The following RBMS3 variants were observed in gnomAD, a reference collection of about 807,000 sequenced individuals.
The protein encoded by RBMS3 is RNA-binding motif, single-stranded-interacting protein 3.
A neutral mutation model predicts 66.8 loss-of-function variants in RBMS3; 27 were observed. That is an observed-to-expected ratio of 0.40 (90% CI 0.30 to 0.56). The LOEUF is 0.56. Among genes scored for constraint, RBMS3 ranks in the 20% least tolerant of loss-of-function variants. The pLI is 0.40. For synonymous variants in RBMS3, 188 were observed against 183.0 expected (o/e 1.03, Z -0.22); for missense variants, 513 against 549.5 (o/e 0.93, Z 0.66).
chr3:29,459,646 A>G (rs9853435), intron 2 of RBMS3, among the ~76,000 whole-genome samples: 17,870 of 152,234 alleles, frequency 0.12, 1,094 homozygotes, highest in Non-Finnish European at 0.12. Flanking sequence ...TGATTAGAGT[A>G]AAGGCCCAGC....
intron 4 of RBMS3, among the ~76,000 whole-genome samples, chr3:29,657,398 A>G (rs907217179): frequency 1.3e-5 from 2 of 152,102 alleles, no homozygotes; most frequent in African/African-American, 4.8e-5. Context: ...TTCTCCATAT[A>G]CTAACTGCAT....
chr3:29,465,166 T>C (rs553405203), intron 2 of RBMS3, among the ~76,000 whole-genome samples: 2 of 152,338 alleles, frequency 1.3e-5, no homozygotes, highest in South Asian at 4.1e-4. Context: ...CCTTTGAAGA[T>C]AGAAAGTGGA....
intron 1 of RBMS3, among the ~76,000 whole-genome samples, chr3:29,290,160 A>G (rs1183827529): frequency 4.0e-5 from 6 of 151,872 alleles, no homozygotes; most frequent in African/African-American, 1.2e-4. Flanking sequence ...TGCTTCTTTT[A>G]ACACTTGTCA....
intron 3 of RBMS3, among the ~76,000 whole-genome samples, chr3:29,578,926 C>T (rs894004274): frequency 1.2e-4 from 18 of 145,046 alleles, no homozygotes; most frequent in African/African-American, 4.7e-4. Context: ...CTCAGCCTCC[C>T]GAGTAGCTGG....
intron 5 of RBMS3, among the ~76,000 whole-genome samples, chr3:29,750,410 A>G (rs2055120576): frequency 6.6e-6 from 1 of 152,186 alleles, no homozygotes; most frequent in Non-Finnish European, 1.5e-5. Flanking sequence ...AAATTTAATT[A>G]TTTTTATGGC....
At chr3:29,593,227 G>A (rs531151833) in intron 4 of RBMS3, among the ~76,000 whole-genome samples, 3 of 152,226 alleles carry the variant, frequency 2.0e-5, no homozygotes, top group African/African-American at 7.2e-5. Flanking sequence ...GCAACTATTG[G>A]CCTCATAATG....
rs367939980 is a variant in RBMS3 at position 29,411,345 on chromosome 3, T to C, written c.76-23398T>C. Among the ~76,000 whole-genome samples the C allele has an allele frequency of 3.7e-4, 57 of 152,314 alleles. No homozygotes were observed. In the East Asian group the frequency reaches 7.7e-3, roughly 21 times the overall value. ...AACTTGTAATCTGGAACCAGAAAGA[T>C]AGATATTTCCTCTTTTGACAAATCC... is the stretch of plus-strand genomic sequence containing the variant. On this transcript the variant is annotated intron_variant, in intron 1 of 14. Transcript: ENST00000383767.
intron 12 of RBMS3, among the ~76,000 whole-genome samples, chr3:29,964,639 T>C (rs116662496): frequency 0.017 from 2,530 of 152,294 alleles, 59 homozygotes; most frequent in African/African-American, 0.056. Flanking sequence ...CTCGGGAGTC[T>C]CCCAACTCCT....
intron 4 of RBMS3, among the ~76,000 whole-genome samples, chr3:29,692,789 A>G (rs2052088462): frequency 6.6e-6 from 1 of 152,228 alleles, no homozygotes; most frequent in Admixed American, 6.5e-5. Flanking sequence ...GTCTTTTACA[A>G]AGCAGGAAAC....
At chr3:29,661,290 C>A (rs978875591) in intron 4 of RBMS3, among the ~76,000 whole-genome samples, 7 of 152,144 alleles carry the variant, frequency 4.6e-5, no homozygotes, top group Admixed American at 4.6e-4. Flanking sequence ...TTCCACCTTC[C>A]CAGAATCCCC....
At chr3:29,790,020 G>C (rs184965283) in intron 6 of RBMS3, among the ~76,000 whole-genome samples, 7 of 152,156 alleles carry the variant, frequency 4.6e-5, no homozygotes, top group African/African-American at 1.7e-4. Flanking sequence ...AAGACAAAAG[G>C]TGTTATATCA....
At chr3:29,535,710 C>CT (rs149022808) in intron 3 of RBMS3, among the ~76,000 whole-genome samples, 798 of 39,672 alleles carry the variant, frequency 0.02, 196 homozygotes, top group South Asian at 0.05. Flanking sequence ...GATCATTGCT[C>CT]TTTTTTTTTT....
chr3:29,707,974 G>A (rs77031769), intron 4 of RBMS3, among the ~76,000 whole-genome samples: 7,643 of 152,242 alleles, frequency 0.05, 225 homozygotes, highest in Middle Eastern at 0.14. Context: ...CCTGTGGGAT[G>A]GCCCTCAAGT....
In RBMS3 at chr3:29,946,793, A is replaced by G. The variant is rs539013020; in HGVS notation, c.1098+2539A>G. On this transcript the variant is annotated intron_variant, in intron 12 of 14. Coordinates refer to ENST00000383767, the MANE Select transcript of RBMS3 (RefSeq NM_001003793.3). The stretch of plus-strand genomic sequence containing the variant: ...GCATGAGAAGGCCTATGAACAATCC[A>G]TAGAATTTTGAGGGGTAGTAGTGGG... 5.9e-5 allele frequency among the ~76,000 whole-genome samples: 9 copies of G among 151,748 alleles called. No individual in the cohort carries two copies. The South Asian group carries it at 1.9e-3, about 31-fold the overall frequency.
At chr3:29,392,148 G>A (rs1466093410) in intron 1 of RBMS3, among the ~76,000 whole-genome samples, 1 of 152,140 alleles carries the variant, frequency 6.6e-6, no homozygotes, top group Non-Finnish European at 1.5e-5. Flanking sequence ...TACTCGGGAG[G>A]CTGAGGCATG....
chr3:29,570,546 A>G (rs571864211), intron 3 of RBMS3, among the ~76,000 whole-genome samples: 62 of 152,142 alleles, frequency 4.1e-4, no homozygotes, highest in Non-Finnish European at 6.5e-4. Context: ...TTTGATTTTT[A>G]TATCCAACAA....
At chr3:29,521,126 C>T (rs1285505302) in intron 3 of RBMS3, among the ~76,000 whole-genome samples, 1 of 151,990 alleles carries the variant, frequency 6.6e-6, no homozygotes, top group Non-Finnish European at 1.5e-5. Flanking sequence ...TTTATCCCAC[C>T]CCATCCTTGA....
intron 12 of RBMS3, among the ~76,000 whole-genome samples, chr3:29,963,841 A>AAG (rs1553708941): frequency 1.3e-4 from 19 of 151,040 alleles, no homozygotes; most frequent in Middle Eastern, 3.4e-3. Context: ...AAAAAAAAAA[A>AAG]AAAAGTGTAT....
chr3:29,812,362 G>C lies in RBMS3; in HGVS notation c.637+49373G>C, dbSNP rs150216926. ...CCTCCCCTCCTACCTTTGAGGAAAG[G>C]CTTAGTGGGAAAGTTTTAAAGAGAC... On this transcript the variant is annotated intron_variant, in intron 6 of 14. Coordinates refer to ENST00000383767, the MANE Select transcript of RBMS3 (RefSeq NM_001003793.3). Among the ~76,000 whole-genome samples, 129 of 152,240 alleles carry C rather than the reference G, an allele frequency of 8.5e-4. 2 individuals are homozygous for C. Among genetic ancestry groups the C allele is most frequent in the African/African-American group, 2.9e-3 (122 of 41,530 alleles).
Sources: allele counts gnomAD v4.1 joint callset (sites outside exome capture counted in the v4.1 genomes callset), GRCh38; gene constraint gnomAD v4.1.1; transcripts MANE v1.5; gene names NCBI Gene and HGNC (gene_info 2026-07-23, HGNC 2026-07-21).